The following CPED1 variants were observed in gnomAD, a reference collection of about 807,000 sequenced individuals.
The protein encoded by CPED1 is cadherin like and PC-esterase domain containing 1, also known as cadherin-like and PC-esterase domain-containing protein 1.
A neutral mutation model predicts 128.2 loss-of-function variants in CPED1; 114 were observed. That is an observed-to-expected ratio of 0.89 (90% CI 0.76 to 1.04). CPED1 has a LOEUF of 1.04. Among genes scored for constraint, CPED1 ranks in the 50% least tolerant of loss-of-function variants. The pLI is 0.00. For synonymous variants in CPED1, 462 were observed against 426.7 expected (o/e 1.08, Z -1.02); for missense variants, 1,211 against 1,207.1 (o/e 1.00, Z -0.05).
rs112811374 is a variant in CPED1, at chr7:121,196,158, G to A, written c.2056-40556G>A. ...GCTTTGGGATGTGGAGAGCAGGAAG[G>A]AATTTTGCTATTGGCTGCTGGAATA... On this transcript the variant is annotated intron_variant, in intron 16 of 22. Transcript: ENST00000310396. Among the ~76,000 whole-genome samples the A allele has an allele frequency of 1.3e-3, 197 of 152,180 alleles. 3 individuals carry two copies. The highest frequency in any genetic ancestry group is 4.5e-3 in the African/African-American group (188 of 41,548).
intron 3 of CPED1, among the ~76,000 whole-genome samples, chr7:121,022,952 A>T (rs1679547175): frequency 6.6e-6 from 1 of 152,016 alleles, no homozygotes; most frequent in African/African-American, 2.4e-5. Context: ...TCAAATTATT[A>T]TCTTTCCTAT....
chr7:121,027,265 TA>T, intron 3 of CPED1, among the ~76,000 whole-genome samples: 1 of 152,234 alleles, frequency 6.6e-6, no homozygotes, highest in East Asian at 1.9e-4. Flanking sequence ...ATGCCTAGGG[TA>T]TGATTTGTGT....
At chr7:121,220,559 A>G (rs905394299) in intron 16 of CPED1, among the ~76,000 whole-genome samples, 47 of 152,008 alleles carry the variant, frequency 3.1e-4, no homozygotes, top group African/African-American at 1.0e-3. Flanking sequence ...AAACCACATA[A>G]TTTATGGTAA....
chr7:120,990,275 C>CA, intron 2 of CPED1, among the ~76,000 whole-genome samples: 1 of 152,110 alleles, frequency 6.6e-6, no homozygotes, highest in East Asian at 1.9e-4. Context: ...TATGAGTGCC[C>CA]AGACCATTCC....
intron 16 of CPED1, among the ~76,000 whole-genome samples, chr7:121,148,589 C>A (rs1190661316): frequency 6.6e-6 from 1 of 151,986 alleles, no homozygotes; most frequent in Non-Finnish European, 1.5e-5. Flanking sequence ...AGAAAGAGAA[C>A]AACTAAAGAA....
At chr7:121,278,844 TTATGTTGAACTAC>T (rs1324932577) in intron 22 of CPED1, among the ~76,000 whole-genome samples, 3 of 152,098 alleles carry the variant, frequency 2.0e-5, no homozygotes, top group Non-Finnish European at 4.4e-5. Context: ...TGAAAGTAAC[TTATGTTGAACTAC>T]TATTATGACT....
chr7:121,187,227 G>T (rs942698871), intron 16 of CPED1, among the ~76,000 whole-genome samples: 10 of 152,162 alleles, frequency 6.6e-5, no homozygotes, highest in African/African-American at 2.4e-4. Context: ...ATGGACAATG[G>T]TAAGGAGCCC....
chr7:121,074,509 G>GTTTTTTTTTTTTTTTTTTT lies in CPED1; in HGVS notation c.616+10214_616+10215insTTTTTTTTTTTTTTTTTTT, dbSNP rs1157885862. Among the ~76,000 whole-genome samples, 80 of 80,826 alleles carry GTTTTTTTTTTTTTTTTTTT rather than the reference G, an allele frequency of 9.9e-4. 13 individuals carry two copies. The highest frequency in any genetic ancestry group is 3.2e-3 in the African/African-American group (70 of 22,010). The allele number at this position is 80,826 out of a possible 152,430, so 53.0% of individuals were successfully genotyped here. On this transcript the variant is annotated intron_variant, in intron 5 of 22. Transcript: ENST00000310396. ...TTCCTTACTAATAAATTTCCTTTGT[G>GTTTTTTTTTTTTTTTTTTT]TTTTTTTTTTTTTTTTTTGAGGGCA...
intron 3 of CPED1, among the ~76,000 whole-genome samples, chr7:121,024,051 G>T (rs1312647824): frequency 6.6e-6 from 1 of 152,068 alleles, no homozygotes; most frequent in African/African-American, 2.4e-5. Flanking sequence ...ATGTAAGACT[G>T]CACTATTCTA....
At chr7:121,113,095 G>T (rs1484111714) in intron 7 of CPED1, among the ~76,000 whole-genome samples, 1 of 152,156 alleles carries the variant, frequency 6.6e-6, no homozygotes, top group Non-Finnish European at 1.5e-5. Context: ...GAAAATTCAT[G>T]CATTTAATCT....
At chr7:121,000,214 T>C (rs1047587769) in intron 2 of CPED1, among the ~76,000 whole-genome samples, 4 of 152,182 alleles carry the variant, frequency 2.6e-5, no homozygotes, top group Non-Finnish European at 5.9e-5. Flanking sequence ...ACTAAAAGAA[T>C]GAGCTCATGT....
intron 16 of CPED1, among the ~76,000 whole-genome samples, chr7:121,200,322 A>G (rs867069406): frequency 2.0e-5 from 3 of 152,144 alleles, no homozygotes; most frequent in Admixed American, 6.6e-5. Flanking sequence ...TCTGCTGGTG[A>G]AAACCTCAGA....
intron 16 of CPED1, among the ~76,000 whole-genome samples, chr7:121,209,516 T>G (rs900291335): frequency 5.3e-5 from 8 of 152,094 alleles, no homozygotes; most frequent in African/African-American, 1.4e-4. Flanking sequence ...TATTTAAAAG[T>G]GTTTGCCAAA....
intron 7 of CPED1, among the ~76,000 whole-genome samples, chr7:121,119,405 T>TCCACCCGCTTCGGCCTC (rs1795331619): frequency 6.6e-6 from 1 of 150,922 alleles, no homozygotes; most frequent in Admixed American, 6.6e-5. Flanking sequence ...GACCTCGTGA[T>TCCACCCGCTTCGGCCTC]CCACCCGCTT....
At chr7:121,223,107 C>G (rs1334219984) in intron 16 of CPED1, among the ~76,000 whole-genome samples, 1 of 152,050 alleles carries the variant, frequency 6.6e-6, no homozygotes, top group African/African-American at 2.4e-5. Context: ...ATAAATAGCT[C>G]TTATTATTTT....
At position 121,295,885 on chromosome 7, in the gene CPED1, A is replaced by T. The variant is rs765662474; in HGVS notation, c.*233A>T. ...ACCAGTCCATTTCACAGTGAAAGAT[A>T]TACCTAGAGAAACGTTACTTGAAGC... On this transcript the variant is annotated 3_prime_UTR_variant, in exon 23 of 23. Coordinates refer to ENST00000310396, the MANE Select transcript of CPED1 (RefSeq NM_024913.5). 5.1e-5 allele frequency: 21 copies of T among 408,322 alleles called. No homozygotes were observed. Among genetic ancestry groups the T allele is most frequent in the Non-Finnish European group, 8.8e-5 (20 of 227,362 alleles). The allele number at this position is 408,322 out of a possible 1,614,324, so 25.3% of individuals were successfully genotyped here.
In CPED1 at chr7:121,046,994, G is replaced by GTAAA; in HGVS notation, c.540+4_540+7dup. On this transcript the variant is annotated splice_donor_variant, in intron 4 of 22. Transcript: ENST00000310396. LOFTEE classifies it high-confidence loss of function. Reference sequence around the variant, plus strand: ...GTGCCAGTTAGGTTTACATCAAAAGGTAAATACTCTCAAGATGTGCACAGA... The same window carrying GTAAA: ...GTGCCAGTTAGGTTTACATCAAAAGGTAAATAAATACTCTCAAGATGTGCACAGA... The GTAAA allele has an allele frequency of 1.3e-6, 2 of 1,578,906 alleles. No individual in the cohort carries two copies. The highest frequency in any genetic ancestry group is 1.7e-6 in the Non-Finnish European group (2 of 1,148,370).
chr7:121,055,976 AATT>A (rs1793490247), intron 4 of CPED1, among the ~76,000 whole-genome samples: 1 of 152,094 alleles, frequency 6.6e-6, no homozygotes, highest in South Asian at 2.1e-4. Flanking sequence ...AGGATTGAAC[AATT>A]ATTATGATAA....
At chr7:121,041,651 G>A (rs1793055563) in intron 3 of CPED1, among the ~76,000 whole-genome samples, 1 of 152,106 alleles carries the variant, frequency 6.6e-6, no homozygotes, top group Non-Finnish European at 1.5e-5. Context: ...CTTTATGGCA[G>A]CCTGTCTATG....
Sources: gnomAD v4.1 joint callset for allele counts (sites outside exome capture counted in the v4.1 genomes callset) on GRCh38, gnomAD v4.1.1 for gene constraint, MANE v1.5 for transcripts, NCBI Gene and HGNC (gene_info 2026-07-23, HGNC 2026-07-21) for gene names.